The following USP36 variants were observed in gnomAD, a reference collection of about 807,000 sequenced individuals.
USP36 encodes ubiquitin carboxyl-terminal hydrolase 36.
In USP36, 59 loss-of-function variants were observed where a neutral mutation model predicts 111.5. The observed-to-expected ratio is 0.53, with a 90% CI of 0.43 to 0.66. USP36 has a LOEUF of 0.66. Among genes scored for constraint, USP36 ranks in the 30% least tolerant of loss-of-function variants. USP36 has a pLI of 0.00. For missense variants in USP36, 1,488 were observed against 1,468.0 expected (o/e 1.01, Z -0.22); for synonymous variants, 628 against 581.0 (o/e 1.08, Z -1.16).
rs150133518 is a variant in USP36 at position 78,829,412 on chromosome 17, C to T, written c.476-405G>A. Among the ~76,000 whole-genome samples, 706 of 152,300 alleles carry T rather than the reference C, an allele frequency of 4.6e-3. 1 individual carries two copies. Among genetic ancestry groups the T allele is most frequent in the African/African-American group, 0.016 (679 of 41,570 alleles). On this transcript the variant is annotated intron_variant, in intron 4 of 20. Transcript: ENST00000449938. ...TAAGCTGCATCACATGGTAAATAGG[C>T]TAAAATATTTTAGGGCTGACAGCCC...
chr17:78,807,668 G>A, intron 13 of USP36, 32 bp from the exon 14 acceptor site: 5 of 1,509,000 alleles, frequency 3.3e-6, no homozygotes, highest in South Asian at 1.4e-5. Flanking sequence ...ACACAACTGA[G>A]GAAGCGAGAA....
In USP36 at chr17:78,835,306, AG is replaced by A; in HGVS notation, c.448del (p.Leu150CysfsTer45). 6.2e-7 allele frequency: 1 copy of A among 1,614,206 alleles called. No homozygotes were observed. The highest frequency in any genetic ancestry group is 8.5e-7 in the Non-Finnish European group (1 of 1,180,030). On this transcript the variant is annotated frameshift_variant, in exon 4 of 21. Coordinates refer to ENST00000449938, the MANE Select transcript of USP36 (RefSeq NM_001385174.1). LOFTEE classifies it high-confidence loss of function. ...LTYTPPLANY[L>X]LSKEHARSCH... The stretch of plus-strand genomic sequence containing the variant: ...GCTGCGAGCATGCTCCTTGGAGAGC[AG>A]GTAGTTGGCTAGAGGTGGTGTGTAG...
intron 2 of USP36, 72 bp from the exon 3 acceptor site, chr17:78,836,444 C>T (rs913191478): frequency 6.5e-7 from 1 of 1,545,726 alleles, no homozygotes; most frequent in Non-Finnish European, 8.7e-7. Context: ...TTAAGATCTC[C>T]TCTTTGGTCA....
intron 7 of USP36, among the ~76,000 whole-genome samples, chr17:78,821,609 G>C (rs924570481): frequency 6.6e-6 from 1 of 151,408 alleles, no homozygotes; most frequent in South Asian, 2.1e-4. Flanking sequence ...TGTATTTTTA[G>C]TGGAGACGGG....
intron 13 of USP36, among the ~76,000 whole-genome samples, chr17:78,809,833 T>A (rs115029701): frequency 2.4e-4 from 36 of 152,110 alleles, no homozygotes; most frequent in African/African-American, 8.0e-4. Flanking sequence ...GATGGGGGTC[T>A]TTCTATGTTG....
downstream of USP36, among the ~76,000 whole-genome samples, chr17:78,794,706 G>A (rs1046266491): frequency 1.3e-5 from 2 of 151,876 alleles, no homozygotes; most frequent in Admixed American, 6.6e-5. Flanking sequence ...GGCAGATCAC[G>A]AGGTCAAGAG....
chr17:78,790,445 G>A (rs1358412885), intron 3 of USP36, among the ~76,000 whole-genome samples: 3 of 151,948 alleles, frequency 2.0e-5, no homozygotes, highest in East Asian at 1.9e-4. Flanking sequence ...CGTGTGCCAC[G>A]AGGCCCGGCT....
Position 78,802,496 on chromosome 17 carries a change from T to G in USP36, c.2850A>C (p.Glu950Asp). ...TCTTTTTCTTTTTCCTTGGAGACTC[T>G]TCCATGGCCTCTGGATCACCATCAC... The part of the protein sequence containing the change: ...PMGDGDPEAM[E>D]ESPRKKKKKK... The change falls in exon 17 of 21, where the codon GAA becomes GAC. Residue 950 changes from glutamate to aspartate, a missense_variant. Glu to Asp is a conservative substitution (Grantham distance 45, BLOSUM62 2). Around this residue, in one of 3 missense-constraint regions of USP36, gnomAD observed 1,073 missense variants for 994.1 expected, o/e 1.08. Coordinates refer to ENST00000449938, the MANE Select transcript of USP36 (RefSeq NM_001385174.1). 1 of 1,608,596 alleles carries G rather than the reference T, an allele frequency of 6.2e-7. No homozygotes were observed. Among genetic ancestry groups the G allele is most frequent in the Admixed American group, 1.7e-5 (1 of 59,992 alleles).
At chr17:78,813,053 AC>A in intron 12 of USP36, 52 bp from the exon 13 acceptor site, 1 of 1,608,920 alleles carries the variant, frequency 6.2e-7, no homozygotes, top group Non-Finnish European at 8.5e-7. Flanking sequence ...CATTACAGAA[AC>A]GGAGAGAATT....
chr17:78,817,193 T>G (rs2094209026), intron 10 of USP36, among the ~76,000 whole-genome samples: 1 of 152,236 alleles, frequency 6.6e-6, no homozygotes, highest in South Asian at 2.1e-4. Context: ...GGCTATACCA[T>G]ACAGCTGGCT....
At chr17:78,834,997 G>GTATATATATATATATATATATATATA (rs10527657) in intron 4 of USP36, among the ~76,000 whole-genome samples, 48 of 141,420 alleles carry the variant, frequency 3.4e-4, no homozygotes, top group Middle Eastern at 3.6e-3. Flanking sequence ...AATAATATTT[G>GTATATATATATATATATATATATATA]TATATATATA....
intron 6 of USP36, among the ~76,000 whole-genome samples, chr17:78,825,631 A>C (rs748391038): frequency 3.3e-5 from 5 of 151,914 alleles, no homozygotes. Flanking sequence ...CCCAAATCCA[A>C]ACCGTTATTC....
downstream of USP36, among the ~76,000 whole-genome samples, chr17:78,791,129 CTTT>C (rs10522788): frequency 8.2e-5 from 10 of 121,232 alleles, no homozygotes; most frequent in African/African-American, 1.3e-4. Flanking sequence ...ATCTGGCCTT[CTTT>C]TTTTTTTTTT....
chr17:78,822,313 C>T (rs779630970), intron 6 of USP36, among the ~76,000 whole-genome samples: 36 of 152,176 alleles, frequency 2.4e-4, no homozygotes, highest in Non-Finnish European at 4.7e-4. Context: ...TATCCTCACC[C>T]AGTGTTGCCT....
intron 13 of USP36, among the ~76,000 whole-genome samples, chr17:78,811,130 CAAAAAAAA>C (rs969048033): frequency 6.0e-4 from 17 of 28,346 alleles, no homozygotes; most frequent in African/African-American, 2.2e-3. Flanking sequence ...GACTCTGTCT[CAAAAAAAA>C]AAAAAAAAAA....
rs2093622429 is a variant in USP36 at position 78,795,922 on chromosome 17, G to T, written c.*1978C>A. The T allele has an allele frequency of 6.6e-6, 1 of 152,174 alleles. No homozygotes were observed. The highest frequency in any genetic ancestry group is 2.4e-5 in the African/African-American group (1 of 41,428). 9.4% of individuals were successfully genotyped at this position (152,174 alleles called of 1,614,324 possible). On this transcript the variant is annotated 3_prime_UTR_variant, in exon 21 of 21. Transcript: ENST00000449938. The surrounding 1 kb of genome is among the most constrained non-coding windows in gnomAD (Gnocchi z 4.5). ...AAGTGACTGCTATGACAAAGGCTTGGGTTATTGACATTTACTTACATACGT... is the reference window on the plus strand; with the variant it reads ...AAGTGACTGCTATGACAAAGGCTTGTGTTATTGACATTTACTTACATACGT...
At position 78,812,873 on chromosome 17, in the gene USP36, G is replaced by A; in HGVS notation, c.1394C>T (p.Pro465Leu). 2 of 1,613,450 alleles carry A rather than the reference G, an allele frequency of 1.2e-6. No homozygotes were observed. Among genetic ancestry groups the A allele is most frequent in the South Asian group, 1.1e-5 (1 of 91,038 alleles). ...KNIGNGIISS[P>L]LTGKRQDSGT... is the part of the protein sequence containing the mutation. ...TCTCACAAATACCTTTCCAGTCAGT[G>A]GGGAGGAAATAATCCCATTGCCGAT... The change falls in exon 13 of 21, where the codon CCA (proline) becomes CTA (leucine). Residue 465 changes from proline to leucine, a missense_variant. This residue lies in a region of USP36 where 1,073 missense variants were observed against 994.1 expected (regional missense o/e 1.08). Coordinates refer to ENST00000449938, the MANE Select transcript of USP36 (RefSeq NM_001385174.1).
Position 78,807,602 on chromosome 17 carries a change from G to A in USP36, c.1442C>T (p.Thr481Ile), listed in dbSNP as rs2145132520. ...QDSGTMKKPH[T>I]TEEIGVPISR... Reference sequence around the variant, plus strand: ...TATGGGCACACCAATCTCTTCAGTGGTGTGCGGCTTCTTCATCGTCCCAGA... The same window carrying A: ...TATGGGCACACCAATCTCTTCAGTGATGTGCGGCTTCTTCATCGTCCCAGA... Residue 481 changes from threonine (T) to isoleucine (I), a missense_variant, in exon 14 of 21, where the codon ACC becomes ATC. By Grantham distance (89) the Thr-to-Ile change is moderately conservative. Transcript: ENST00000449938. 1 of 1,550,144 alleles carries A rather than the reference G, an allele frequency of 6.5e-7. No individual in the cohort carries two copies. The highest frequency in any genetic ancestry group is 2.3e-5 in the East Asian group (1 of 44,260).
chr17:78,827,398 G>A (rs756000828), intron 5 of USP36, 51 bp from the exon 6 acceptor site: 16 of 1,546,762 alleles, frequency 1.0e-5, no homozygotes, highest in South Asian at 6.1e-5. Context: ...CTCATCAAAC[G>A]GCCTGCGGCT....
Sources: allele counts gnomAD v4.1 joint callset (sites outside exome capture counted in the v4.1 genomes callset), GRCh38; gene constraint gnomAD v4.1.1; regional missense constraint gnomAD v4.1.1; non-coding constraint Gnocchi (gnomAD v3.1); transcripts MANE v1.5; gene names NCBI Gene and HGNC (gene_info 2026-07-23, HGNC 2026-07-21).